DCHS2: variants seen among roughly 807,000 people sequenced by gnomAD.
DCHS2 encodes dachsous cadherin-related 2, also known as protocadherin-23.
DCHS2 carries 142 observed loss-of-function variants against 182.4 expected under a neutral mutation model. That is an observed-to-expected ratio of 0.78 (90% CI 0.68 to 0.89). DCHS2 has a LOEUF of 0.89. Among genes scored for constraint, DCHS2 ranks in the 40% least tolerant of loss-of-function variants. The pLI is 0.00. For synonymous variants in DCHS2, 1,740 were observed against 1,663.3 expected, an observed-to-expected ratio of 1.05 and a Z score of -1.12; for missense variants, 4,319 against 4,198.6, an observed-to-expected ratio of 1.03 and a Z score of -0.79.
At chr4:154,423,999 T>C (rs1377911582) in intron 1 of DCHS2, among the ~76,000 whole-genome samples, 1 of 152,230 alleles carries the variant, frequency 6.6e-6, no homozygotes, top group South Asian at 2.1e-4. Context: ...TTTAGAAATA[T>C]CTTCAAATCA....
Position 154,234,888 on chromosome 4 carries a change from G to A in DCHS2, c.9764C>T (p.Ala3255Val). Residue 3255 changes from alanine to valine, a missense_variant, in exon 20 of 20, where the codon GCA (alanine) becomes GTA (valine). By Grantham distance (64) the Ala-to-Val change is moderately conservative. Coordinates refer to ENST00000357232, the MANE Select transcript of DCHS2 (RefSeq NM_001358235.2). ...ATGCAAATGTTCATCCTTTAGTTTT[G>A]CAATATCATTAAATACTGAGGCAAG... ...QPLASVFNDI[A>V]KLKDEHLHMP... 6.2e-7 allele frequency: 1 copy of A among 1,613,978 alleles called. No homozygotes were observed. Among genetic ancestry groups the A allele is most frequent in the Non-Finnish European group, 8.5e-7 (1 of 1,179,948 alleles).
Position 154,491,619 on chromosome 4 carries a change from AATCTC to A in DCHS2, c.-269_-265del. 2 of 1,316,462 alleles carry A rather than the reference AATCTC, an allele frequency of 1.5e-6. No homozygotes were observed. The highest frequency in any genetic ancestry group is 1.5e-5 in the African/African-American group (1 of 65,660). The allele number at this position is 1,316,462 out of a possible 1,614,324, so 81.5% of individuals were successfully genotyped here. A position where few individuals can be genotyped will look rare whatever the true frequency, so the allele number is the denominator to read the frequency against. On this transcript the variant is annotated 5_prime_UTR_variant, in exon 1 of 20. An upstream start codon of the reference 5' UTR is lost. Coordinates refer to ENST00000357232, the MANE Select transcript of DCHS2 (RefSeq NM_001358235.2). ...TTCTGCCCCTGGATTTCTTTAAACG[AATCTC>A]ATCTCTTTTTCTCTCTCCTTTTATT...
At chr4:154,268,023 G>A (rs979280765) in intron 14 of DCHS2, among the ~76,000 whole-genome samples, 2 of 152,110 alleles carry the variant, frequency 1.3e-5, no homozygotes, top group Non-Finnish European at 1.5e-5. Context: ...CAAATTTAAT[G>A]CCTTTTCCAT....
At chr4:154,237,349 C>T in intron 19 of DCHS2, 190 bp from the exon 20 acceptor site, 1 of 771,372 alleles carries the variant, frequency 1.3e-6, no homozygotes, top group South Asian at 3.3e-5. Flanking sequence ...ATGTAAGATA[C>T]AGAAATAATA....
chr4:154,324,271 C>T (rs1736193411), intron 7 of DCHS2, among the ~76,000 whole-genome samples: 1 of 152,122 alleles, frequency 6.6e-6, no homozygotes, highest in East Asian at 1.9e-4. Flanking sequence ...AAAGTTGGTT[C>T]CCGGGTCTCT....
chr4:154,435,292 C>G (rs564039417), intron 1 of DCHS2, among the ~76,000 whole-genome samples: 6 of 152,152 alleles, frequency 3.9e-5, no homozygotes, highest in African/African-American at 1.4e-4. Context: ...TGCCAGATAA[C>G]ATTTAAAAAT....
intron 9 of DCHS2, 86 bp downstream of exon 9, chr4:154,320,293 T>G: frequency 1.3e-6 from 2 of 1,520,804 alleles, no homozygotes; most frequent in Non-Finnish European, 1.8e-6. Flanking sequence ...ATTGTACACT[T>G]AAAACTTTGT....
intron 9 of DCHS2, 23 bp from the exon 10 acceptor site, chr4:154,316,010 G>A (rs1291317823): frequency 3.1e-6 from 5 of 1,611,914 alleles, no homozygotes; most frequent in South Asian, 1.1e-5. Flanking sequence ...TGGAAGAAAA[G>A]CAACATGTAA....
At chr4:154,301,970 TC>T (rs1240137296) in intron 12 of DCHS2, among the ~76,000 whole-genome samples, 3 of 152,198 alleles carry the variant, frequency 2.0e-5, no homozygotes, top group African/African-American at 7.2e-5. Context: ...AATCTTACAA[TC>T]ATAATAATAA....
Position 154,252,940 on chromosome 4 carries a change from A to ACTT in DCHS2, c.6941+2576_6941+2578dup, listed in dbSNP as rs1202959730. ...TTCCTCGATCAGACAAAATAGCAAT[A>ACTT]CTTCAAAAGTAAAAAGTTGGAAGCT... On this transcript the variant is annotated intron_variant, in intron 16 of 19. Coordinates refer to ENST00000357232, the MANE Select transcript of DCHS2 (RefSeq NM_001358235.2). 1.3e-5 allele frequency among the ~76,000 whole-genome samples: 2 copies of ACTT among 152,288 alleles called. 1 individual carries two copies. Among genetic ancestry groups the ACTT allele is most frequent in the Admixed American group, 1.3e-4 (2 of 15,294 alleles).
intron 13 of DCHS2, among the ~76,000 whole-genome samples, chr4:154,297,248 T>C (rs1354631670): frequency 6.6e-6 from 1 of 152,212 alleles, no homozygotes; most frequent in East Asian, 1.9e-4. Flanking sequence ...TCTTTCCTGT[T>C]ACACCTGCAA....
At chr4:154,459,251 T>G (rs1055798565) in intron 1 of DCHS2, among the ~76,000 whole-genome samples, 2 of 151,688 alleles carry the variant, frequency 1.3e-5, no homozygotes, top group Admixed American at 1.3e-4. Context: ...GAAGGTAGAG[T>G]GTATTTGAGA....
rs779339253 is a variant in DCHS2, at chr4:154,269,959, A to T, written c.6518T>A (p.Met2173Lys). Residue 2173 changes from methionine (M) to lysine (K), a missense_variant, in exon 14 of 20, where the codon ATG (methionine) becomes AAG (lysine). Transcript: ENST00000357232. ...AFAPDSIQDSMKYSIFSGNED... is the reference protein window; with the variant it reads ...AFAPDSIQDSKKYSIFSGNED... Reference sequence around the variant, plus strand: ...ATTTCCACTAAAAATTGAATATTTCATGCTGTCCTGAATTGAGTCAGGAGC... The same window carrying T: ...ATTTCCACTAAAAATTGAATATTTCTTGCTGTCCTGAATTGAGTCAGGAGC... The T allele has an allele frequency of 6.2e-6, 10 of 1,612,540 alleles. No homozygotes were observed. The highest frequency in any genetic ancestry group is 1.7e-4 in the Middle Eastern group (1 of 6,058).
intron 1 of DCHS2, among the ~76,000 whole-genome samples, chr4:154,484,956 A>T (rs114870667): frequency 1.1e-4 from 16 of 152,226 alleles, no homozygotes; most frequent in Non-Finnish European, 2.1e-4. Context: ...GAATGCATCC[A>T]TGACAGGTTG....
chr4:154,480,994 T>G (rs1209436510), intron 1 of DCHS2, among the ~76,000 whole-genome samples: 1 of 152,190 alleles, frequency 6.6e-6, no homozygotes, highest in Admixed American at 6.5e-5. Context: ...GCAAAAGAAC[T>G]TTTAAGGAAA....
chr4:154,285,182 C>T (rs1368716987), intron 13 of DCHS2, among the ~76,000 whole-genome samples: 1 of 152,074 alleles, frequency 6.6e-6, no homozygotes, highest in Non-Finnish European at 1.5e-5. Context: ...CAAGATTCAC[C>T]ACCTGCTAAT....
intron 9 of DCHS2, among the ~76,000 whole-genome samples, chr4:154,319,769 T>C (rs959210207): frequency 1.8e-4 from 27 of 149,702 alleles, no homozygotes; most frequent in African/African-American, 6.7e-4. Context: ...CTATGGAAAA[T>C]AGTATGGATG....
At chr4:154,353,388 A>G (rs1030534980) in intron 3 of DCHS2, among the ~76,000 whole-genome samples, 1 of 152,196 alleles carries the variant, frequency 6.6e-6, no homozygotes, top group African/African-American at 2.4e-5. Context: ...TTCAGAAAAG[A>G]CAAACACACA....
chr4:154,272,455 C>T (rs6535990), intron 13 of DCHS2, among the ~76,000 whole-genome samples: 27 of 152,034 alleles, frequency 1.8e-4, no homozygotes, highest in African/African-American at 5.1e-4. Context: ...ATAATCTTCA[C>T]GTGTCAAGGG....
Sources: allele counts gnomAD v4.1 joint callset (sites outside exome capture counted in the v4.1 genomes callset), GRCh38; gene constraint gnomAD v4.1.1; transcripts MANE v1.5; gene names NCBI Gene and HGNC (gene_info 2026-07-23, HGNC 2026-07-21).